Variants in TSEN2 observed in about 807,000 individuals in gnomAD.
TSEN2 encodes the protein tRNA splicing endonuclease subunit 2, also known as tRNA-splicing endonuclease subunit Sen2.
A neutral mutation model predicts 59.2 loss-of-function variants in TSEN2; 54 were observed. The observed-to-expected ratio is 0.91, with a 90% CI of 0.73 to 1.14. The LOEUF is 1.14. Among genes scored for constraint, TSEN2 ranks in the 50% most tolerant of loss-of-function variants. The pLI is 0.00. For synonymous variants in TSEN2, 195 were observed against 198.2 expected (o/e 0.98, Z 0.14); for missense variants, 636 against 576.2 (o/e 1.10, Z -1.06).
Position 12,519,054 on chromosome 3 carries a change from T to C in TSEN2, c.961-5T>C. On this transcript the variant is annotated splice_region_variant and splice_polypyrimidine_tract_variant and intron_variant, in intron 7 of 11. Coordinates refer to ENST00000284995, the MANE Select transcript of TSEN2 (RefSeq NM_025265.4). Reference sequence around the variant, plus strand: ...TGCTTTTTGTTTTTTTGTAAATAACTTTAGGAGCCTTTAACGATAGTGAAG... The same window carrying C: ...TGCTTTTTGTTTTTTTGTAAATAACCTTAGGAGCCTTTAACGATAGTGAAG... 6.2e-7 allele frequency: 1 copy of C among 1,614,174 alleles called. No homozygotes were observed. Among genetic ancestry groups the C allele is most frequent in the Non-Finnish European group, 8.5e-7 (1 of 1,180,034 alleles).
At chr3:12,498,877 C>G (rs1397876232) in intron 4 of TSEN2, among the ~76,000 whole-genome samples, 1 of 152,126 alleles carries the variant, frequency 6.6e-6, no homozygotes, top group East Asian at 1.9e-4. Context: ...AAAATTGATG[C>G]ATGTTCATAT....
At chr3:12,503,925 C>T (rs1480481273) in intron 5 of TSEN2, 141 bp downstream of exon 5, 36 of 1,042,534 alleles carry the variant, frequency 3.5e-5, no homozygotes, top group Non-Finnish European at 5.0e-5. Flanking sequence ...GCCACAGCAG[C>T]TGTGAGGGCC....
intron 10 of TSEN2, chr3:12,531,141 C>A (rs1010890847): frequency 5.8e-6 from 1 of 173,190 alleles, no homozygotes; most frequent in Non-Finnish European, 1.2e-5. Flanking sequence ...GCATGGGGAC[C>A]GTCCCCCATA....
At position 12,511,331 on chromosome 3, in the gene TSEN2, A is replaced by G. The variant is rs1380516212; in HGVS notation, c.910-5280A>G. On this transcript the variant is annotated intron_variant, in intron 6 of 11. Coordinates refer to ENST00000284995, the MANE Select transcript of TSEN2 (RefSeq NM_025265.4). ...AATTAAAACAATATAGTCTTGGTAT[A>G]GGAAAGGAAAGATTGGGCCACAGTC... 4 of 152,224 alleles carry G rather than the reference A, an allele frequency of 2.6e-5. No individual in the cohort carries two copies. The East Asian group carries it at 7.7e-4, about 29-fold the overall frequency. 9.4% of individuals were successfully genotyped at this position (152,224 alleles called of 1,614,324 possible). A position where few individuals can be genotyped will look rare whatever the true frequency, so the allele number is the denominator to read the frequency against.
At chr3:12,481,352 G>A (rs1214457298), upstream of TSEN2, among the ~76,000 whole-genome samples, 1 of 152,098 alleles carries the variant, frequency 6.6e-6, no homozygotes, top group Non-Finnish European at 1.5e-5. Flanking sequence ...CTGCAGATGT[G>A]TGCATGCACA....
At chr3:12,535,097 A>T (rs913209060), downstream of TSEN2, among the ~76,000 whole-genome samples, 5 of 152,236 alleles carry the variant, frequency 3.3e-5, no homozygotes, top group Admixed American at 3.3e-4. Context: ...CTCTTTTTTT[A>T]AGAAAAAAAA....
chr3:12,501,331 AG>A (rs1241095968), intron 4 of TSEN2, among the ~76,000 whole-genome samples: 1 of 152,252 alleles, frequency 6.6e-6, no homozygotes, highest in Non-Finnish European at 1.5e-5. Flanking sequence ...TATAAGTAAC[AG>A]GGCTGGACAC....
At chr3:12,495,311 C>T (rs1421652340) in intron 3 of TSEN2, among the ~76,000 whole-genome samples, 1 of 152,056 alleles carries the variant, frequency 6.6e-6, no homozygotes, top group Non-Finnish European at 1.5e-5. Context: ...CTCACTGCAA[C>T]CTCCACCTCC....
intron 8 of TSEN2, among the ~76,000 whole-genome samples, chr3:12,519,714 C>T (rs1191356866): frequency 6.6e-6 from 1 of 152,084 alleles, no homozygotes; most frequent in Non-Finnish European, 1.5e-5. Context: ...CCATTGCACC[C>T]CACCTGGACG....
chr3:12,532,911 C>T lies in TSEN2; in HGVS notation c.*190C>T. 1.6e-6 allele frequency: 1 copy of T among 639,718 alleles called. No homozygotes were observed. Among genetic ancestry groups the T allele is most frequent in the Admixed American group, 2.6e-5 (1 of 37,770 alleles). 39.6% of individuals were successfully genotyped at this position (639,718 alleles called of 1,614,324 possible). A position where few individuals can be genotyped will look rare whatever the true frequency, so the allele number is the denominator to read the frequency against. ...GAGAAAGATCCCTGTGCTAGGACTG[C>T]AGATTCTATACTTGCGTTGGCCTCT... On this transcript the variant is annotated 3_prime_UTR_variant, in exon 12 of 12. Transcript: ENST00000284995.
intron 10 of TSEN2, chr3:12,539,082 G>T (rs563676120): frequency 7.3e-4 from 303 of 416,018 alleles, no homozygotes; most frequent in Non-Finnish European, 1.2e-3. Flanking sequence ...TTCTGAGGGG[G>T]TTTTTGGTTT....
exon 11 of TSEN2, chr3:12,539,592 A>G (rs974308893): frequency 1.2e-5 from 2 of 160,110 alleles, no homozygotes; most frequent in African/African-American, 4.8e-5. Flanking sequence ...AATAATTTTC[A>G]TTGCTCTGTG....
intron 3 of TSEN2, among the ~76,000 whole-genome samples, chr3:12,495,294 A>G (rs973049711): frequency 4.6e-5 from 7 of 152,086 alleles, no homozygotes; most frequent in Admixed American, 1.3e-4. Context: ...CAGTGGTGCA[A>G]TCTCAGCTCA....
At chr3:12,499,294 T>C (rs2054058508) in intron 4 of TSEN2, among the ~76,000 whole-genome samples, 1 of 152,168 alleles carries the variant, frequency 6.6e-6, no homozygotes, top group Non-Finnish European at 1.5e-5. Flanking sequence ...CCCACCCCGT[T>C]GTCCTTTATT....
At chr3:12,508,019 G>T (rs965521749) in intron 6 of TSEN2, among the ~76,000 whole-genome samples, 3 of 152,160 alleles carry the variant, frequency 2.0e-5, no homozygotes, top group African/African-American at 7.2e-5. Context: ...ATGAGTCAGG[G>T]TCTGGCCTGG....
chr3:12,505,388 G>A, intron 6 of TSEN2, 157 bp downstream of exon 6: 2 of 650,886 alleles, frequency 3.1e-6, no homozygotes, highest in Non-Finnish European at 5.6e-6. Context: ...AAGTAGGCCT[G>A]CCTTTCACTC....
At chr3:12,506,749 C>T (rs1302866760) in intron 6 of TSEN2, 1 of 985,312 alleles carries the variant, frequency 1.0e-6, no homozygotes, top group Non-Finnish European at 1.2e-6. Context: ...GCTAGGACCG[C>T]TTCTTGGGCT....
chr3:12,535,635 G>A (rs991168076), downstream of TSEN2, among the ~76,000 whole-genome samples: 7 of 152,094 alleles, frequency 4.6e-5, no homozygotes, highest in East Asian at 1.9e-4. Context: ...GAGTTCAAGC[G>A]ATTCTCCTGT....
At chr3:12,506,471 T>G (rs2054845358) in intron 6 of TSEN2, among the ~76,000 whole-genome samples, 1 of 151,818 alleles carries the variant, frequency 6.6e-6, no homozygotes, top group African/African-American at 2.4e-5. Flanking sequence ...GGTGCATGCC[T>G]GTAGTCTCAA....
Sources: allele counts gnomAD v4.1 joint callset (sites outside exome capture counted in the v4.1 genomes callset), GRCh38; gene constraint gnomAD v4.1.1; transcripts MANE v1.5; gene names NCBI Gene and HGNC (gene_info 2026-07-23, HGNC 2026-07-21).